The following PON2 variants were observed in gnomAD, a reference collection of about 807,000 sequenced individuals.
The protein encoded by PON2 is paraoxonase 2.
In PON2, 27 loss-of-function variants were observed where a neutral mutation model predicts 36.6. That is an observed-to-expected ratio of 0.74 (90% CI 0.54 to 1.02). The LOEUF is 1.02. Ranked by LOEUF, PON2 falls within the 50% of genes least tolerant of loss-of-function variation. The pLI, the probability that PON2 is intolerant of heterozygous loss-of-function variation, is 0.00. For missense variants in PON2, 363 were observed against 421.1 expected (o/e 0.86, Z 1.21); for synonymous variants, 149 against 156.3 (o/e 0.95, Z 0.35).
At chr7:95,409,843 A>G in intron 6 of PON2, 58 bp downstream of exon 6, 1 of 1,495,806 alleles carries the variant, frequency 6.7e-7, no homozygotes, top group Non-Finnish European at 9.3e-7. Flanking sequence ...AGCAAAGTAA[A>G]GAATTTGGCC....
At chr7:95,405,616 A>G in intron 8 of PON2, 128 bp from the exon 9 acceptor site, 1 of 905,062 alleles carries the variant, frequency 1.1e-6, no homozygotes, top group South Asian at 1.4e-5. Context: ...AGCAGTTACC[A>G]ATCTTTTTAA....
In PON2 at chr7:95,404,916, T is replaced by C. The variant is rs1809635775; in HGVS notation, c.*414A>G. 5.8e-6 allele frequency: 1 copy of C among 173,286 alleles called. No individual in the cohort carries two copies. The highest frequency in any genetic ancestry group is 1.4e-4 in the South Asian group (1 of 7,256). 10.7% of individuals were successfully genotyped at this position (173,286 alleles called of 1,614,324 possible). A position where few individuals can be genotyped will look rare whatever the true frequency, so the allele number is the denominator to read the frequency against. On this transcript the variant is annotated 3_prime_UTR_variant, in exon 9 of 9. Transcript: ENST00000222572. ...CCAACTTTTTAATGGTAAACAAAGA[T>C]GTAAGTACAAAACATCAAAATACGT... is the stretch of plus-strand genomic sequence containing the variant.
intron 1 of PON2, among the ~76,000 whole-genome samples, chr7:95,425,283 T>C (rs1416099751): frequency 6.6e-6 from 1 of 152,180 alleles, no homozygotes; most frequent in Admixed American, 6.5e-5. Flanking sequence ...ACTAGTTCTG[T>C]AACTACTTCA....
intron 2 of PON2, among the ~76,000 whole-genome samples, chr7:95,420,393 A>C (rs1206457269): frequency 6.6e-6 from 1 of 152,226 alleles, no homozygotes; most frequent in East Asian, 1.9e-4. Context: ...CTAGCTCTTG[A>C]CATTTTAATA....
At chr7:95,406,885 C>A (rs1014551856) in intron 7 of PON2, 102 bp downstream of exon 7, 1 of 695,742 alleles carries the variant, frequency 1.4e-6, no homozygotes, top group Non-Finnish European at 2.5e-6. Flanking sequence ...AATAGCTACA[C>A]TGGCATCCAT....
chr7:95,412,602 T>G, intron 3 of PON2, 125 bp from the exon 4 acceptor site: 1 of 927,720 alleles, frequency 1.1e-6, no homozygotes, highest in Middle Eastern at 3.0e-4. Context: ...CCACAAAAAC[T>G]CAAAAAACAG....
At chr7:95,426,511 G>C (rs1354868661) in intron 1 of PON2, among the ~76,000 whole-genome samples, 1 of 152,192 alleles carries the variant, frequency 6.6e-6, no homozygotes, top group Non-Finnish European at 1.5e-5. Context: ...TTTTCCCACG[G>C]CGCAACTTAG....
At position 95,412,223 on chromosome 7, in the gene PON2, C is replaced by T; in HGVS notation, c.367+89G>A. ...TCACTCATGAGTTAATTGTTCTTCT[C>T]TTCCTAGAAATATGATCCAAATCTA... On this transcript the variant is annotated intron_variant, in intron 4 of 8. Transcript: ENST00000222572. The T allele has an allele frequency of 5.9e-6, 9 of 1,527,400 alleles. No individual in the cohort carries two copies. The South Asian group carries it at 9.1e-5, about 15-fold the overall frequency. 94.6% of individuals were successfully genotyped at this position (1,527,400 alleles called of 1,614,324 possible).
intron 2 of PON2, among the ~76,000 whole-genome samples, chr7:95,423,324 A>C (rs1014515062): frequency 6.8e-6 from 1 of 147,086 alleles, no homozygotes; most frequent in African/African-American, 2.6e-5. Context: ...CACCTCTCAA[A>C]AAAAAAAAAA....
chr7:95,409,742 A>G, intron 6 of PON2, 159 bp downstream of exon 6: 1 of 233,702 alleles, frequency 4.3e-6, no homozygotes, highest in Non-Finnish European at 7.8e-6. Context: ...ATATATACAA[A>G]ACATATATAA....
chr7:95,416,673 A>C (rs2116476607), intron 2 of PON2, among the ~76,000 whole-genome samples: 1 of 152,344 alleles, frequency 6.6e-6, no homozygotes, highest in African/African-American at 2.4e-5. Flanking sequence ...TAACCATGCA[A>C]ATATCCTTGT....
chr7:95,411,421 G>A (rs17876144), intron 5 of PON2, among the ~76,000 whole-genome samples: 4,739 of 152,062 alleles, frequency 0.031, 244 homozygotes, highest in African/African-American at 0.11. Context: ...AAAGGAGTCC[G>A]CATAGAACAG....
In PON2 at chr7:95,405,488, C is replaced by A. The variant is rs1440291333; in HGVS notation, c.907G>T (p.Val303Phe). ...YDPNNPPSSE[V>F]LRIQNILSEK... Reference sequence around the variant, plus strand: ...GATAGAATGTTCTGGATGCGGAGAACCTATTCAGGGGATACAAAGTATGAA... The same window carrying A: ...GATAGAATGTTCTGGATGCGGAGAAACTATTCAGGGGATACAAAGTATGAA... The change falls in exon 9 of 9, where the codon GTT becomes TTT. Residue 303 changes from valine to phenylalanine, a missense_variant and splice_region_variant. Physicochemically the swap from Val to Phe is conservative, Grantham distance 50 (BLOSUM62 -1). Coordinates refer to ENST00000222572, the MANE Select transcript of PON2 (RefSeq NM_000305.3). 1.4e-5 allele frequency: 23 copies of A among 1,611,746 alleles called. No homozygotes were observed. The highest frequency in any genetic ancestry group is 1.9e-5 in the Non-Finnish European group (22 of 1,178,118).
intron 1 of PON2, among the ~76,000 whole-genome samples, chr7:95,431,234 G>C (rs970515922): frequency 6.6e-6 from 1 of 152,054 alleles, no homozygotes; most frequent in Non-Finnish European, 1.5e-5. Flanking sequence ...TATCCCTCTG[G>C]GACATCCTTA....
At chr7:95,415,373 C>T (rs1246552817) in intron 3 of PON2, 1 of 152,026 alleles carries the variant, frequency 6.6e-6, no homozygotes, top group African/African-American at 2.4e-5. Context: ...CTATTGTATA[C>T]CCAGAAAGGA....
Position 95,411,699 on chromosome 7 carries a change from T to A in PON2, c.448A>T (p.Asn150Tyr), listed in dbSNP as rs1314003600. 6.2e-7 allele frequency: 1 copy of A among 1,613,784 alleles called. No individual in the cohort carries two copies. The highest frequency in any genetic ancestry group is 8.5e-7 in the Non-Finnish European group (1 of 1,179,882). Reference protein sequence around the residue: ...VEIFKFEEAENSLLHLKTVKH... With the variant: ...VEIFKFEEAEYSLLHLKTVKH... The stretch of plus-strand genomic sequence containing the variant: ...ACTGTTTTCAGATGCAACAGAGAAT[T>A]TTCTGCTTCTTCAAATTTAAAAATT... The change falls in exon 5 of 9, where the codon AAT becomes TAT. Residue 150 changes from asparagine to tyrosine, a missense_variant. By Grantham distance (143) the Asn-to-Tyr change is moderately radical. Coordinates refer to ENST00000222572, the MANE Select transcript of PON2 (RefSeq NM_000305.3).
intron 3 of PON2, chr7:95,415,920 C>A: frequency 3.0e-6 from 1 of 336,564 alleles, no homozygotes; most frequent in Non-Finnish European, 5.5e-6. Context: ...CCACTGCACT[C>A]CAGCCGGGGC....
intron 1 of PON2, among the ~76,000 whole-genome samples, chr7:95,432,844 C>T (rs1789474189): frequency 6.6e-6 from 1 of 152,210 alleles, no homozygotes; most frequent in Middle Eastern, 3.2e-3. Context: ...ACTGCTTTAT[C>T]AGTAGATGAA....
At chr7:95,434,451 G>C in intron 1 of PON2, 1 of 175,684 alleles carries the variant, frequency 5.7e-6, no homozygotes, top group South Asian at 1.4e-4. Flanking sequence ...ATTAAAGACG[G>C]GTCTGGTTTG....
Sources: gnomAD v4.1 joint callset for allele counts (sites outside exome capture counted in the v4.1 genomes callset) on GRCh38, gnomAD v4.1.1 for gene constraint, MANE v1.5 for transcripts, NCBI Gene and HGNC (gene_info 2026-07-23, HGNC 2026-07-21) for gene names.